EPHA8: variants seen among roughly 807,000 people sequenced by gnomAD.
EPHA8 encodes EPH receptor A8, also known as ephrin type-A receptor 8.
In EPHA8, 58 loss-of-function variants were observed where a neutral mutation model predicts 103.6. The observed-to-expected ratio is 0.56, with a 90% CI of 0.45 to 0.70. EPHA8 has a LOEUF of 0.70. Ranked by LOEUF, EPHA8 falls within the 30% of genes least tolerant of loss-of-function variation. The pLI, the probability that EPHA8 is intolerant of heterozygous loss-of-function variation, is 0.00. For missense variants in EPHA8, 1,304 were observed against 1,395.2 expected (o/e 0.93, Z 1.04); for synonymous variants, 559 against 572.5 (o/e 0.98, Z 0.34).
intron 3 of EPHA8, among the ~76,000 whole-genome samples, chr1:22,578,121 T>C (rs1640810626): frequency 9.8e-6 from 1 of 101,720 alleles, no homozygotes; most frequent in Non-Finnish European, 2.2e-5. Context: ...TGTGCGTGAG[T>C]GTATGCATGT....
intron 3 of EPHA8, among the ~76,000 whole-genome samples, chr1:22,579,945 A>C (rs942838556): frequency 6.6e-6 from 1 of 151,980 alleles, no homozygotes; most frequent in African/African-American, 2.4e-5. Flanking sequence ...AAGGCCCCTG[A>C]GCGCTAATAG....
At chr1:22,578,958 C>T (rs1360437397) in intron 3 of EPHA8, among the ~76,000 whole-genome samples, 1 of 135,148 alleles carries the variant, frequency 7.4e-6, no homozygotes, top group Non-Finnish European at 1.6e-5. Flanking sequence ...CATGTGTGTC[C>T]ATGTGTATGT....
chr1:22,591,066 T>C (rs12060537), intron 5 of EPHA8, among the ~76,000 whole-genome samples: 20,742 of 151,110 alleles, frequency 0.14, 1,548 homozygotes, highest in South Asian at 0.21. Flanking sequence ...CACAAGACAT[T>C]CTCCACACCA....
Position 22,576,916 on chromosome 1 carries a change from C to T in EPHA8, c.823+36C>T, listed in dbSNP as rs779048055. 1 of 1,548,502 alleles carries T rather than the reference C, an allele frequency of 6.5e-7. No individual in the cohort carries two copies. Among genetic ancestry groups the T allele is most frequent in the Admixed American group, 1.8e-5 (1 of 56,118 alleles). ...CATGGCCTGGGCATGGGTCAGCCGG[C>T]AGCGGTGCTTGGTCTTGGCAGGGCT... On this transcript the variant is annotated intron_variant, in intron 3 of 16. Coordinates refer to ENST00000166244, the MANE Select transcript of EPHA8 (RefSeq NM_020526.5). This position sits in a 1 kb window ranked among gnomAD's most constrained non-coding sequence, Gnocchi z 4.8.
At chr1:22,578,855 ATG>A (rs541392749) in intron 3 of EPHA8, among the ~76,000 whole-genome samples, 33 of 142,294 alleles carry the variant, frequency 2.3e-4, no homozygotes, top group East Asian at 2.2e-3. Flanking sequence ...GTGTGCATGC[ATG>A]TGTGTATATG....
chr1:22,582,765 C>T (rs534189833), intron 3 of EPHA8, among the ~76,000 whole-genome samples: 24 of 152,174 alleles, frequency 1.6e-4, no homozygotes, highest in African/African-American at 5.5e-4. Flanking sequence ...CTGGTTCACC[C>T]CAGAAAGAGG....
chr1:22,566,019 G>A (rs1345833546), intron 1 of EPHA8, among the ~76,000 whole-genome samples: 2 of 152,214 alleles, frequency 1.3e-5, no homozygotes, highest in Non-Finnish European at 2.9e-5. Flanking sequence ...TTGGAACTCA[G>A]GGAGGGGCCT....
At chr1:22,588,801 G>T in intron 4 of EPHA8, 70 bp from the exon 5 acceptor site, 1 of 1,512,234 alleles carries the variant, frequency 6.6e-7, no homozygotes, top group Non-Finnish European at 8.8e-7. Flanking sequence ...GGAGCCCCAG[G>T]TCTGATGATA....
chr1:22,575,487 A>G (rs540024135), intron 2 of EPHA8, among the ~76,000 whole-genome samples: 18 of 152,306 alleles, frequency 1.2e-4, no homozygotes, highest in South Asian at 2.1e-4. Flanking sequence ...TATTCTGGAT[A>G]TTAATCCCTT....
chr1:22,579,721 T>C (rs544983049), intron 3 of EPHA8, among the ~76,000 whole-genome samples: 119 of 152,196 alleles, frequency 7.8e-4, no homozygotes, highest in Admixed American at 2.2e-3. Flanking sequence ...TTGGATCCCC[T>C]GGACAGAGGA....
rs760851429 is a variant in EPHA8 at position 22,576,499 on chromosome 1, A to G, written c.442A>G (p.Ile148Val). 2.0e-5 allele frequency: 32 copies of G among 1,613,992 alleles called. No individual in the cohort carries two copies. In the South Asian group the frequency reaches 3.0e-4, roughly 15 times the overall value. ...AAGCCAGTTCCTCAAAATCGACACC[A>G]TTGCGGCCGACGAGAGCTTCACAGG... ...QESQFLKIDT[I>V]AADESFTGAD... Residue 148 changes from isoleucine to valine, a missense_variant, in exon 3 of 17, where the codon ATT (isoleucine) becomes GTT (valine). Coordinates refer to ENST00000166244, the MANE Select transcript of EPHA8 (RefSeq NM_020526.5). This position sits in a 1 kb window ranked among gnomAD's most constrained non-coding sequence, Gnocchi z 4.8.
At chr1:22,570,077 G>A (rs1488026831) in intron 2 of EPHA8, among the ~76,000 whole-genome samples, 2 of 152,160 alleles carry the variant, frequency 1.3e-5, no homozygotes, top group African/African-American at 2.4e-5. Flanking sequence ...CCAGGTCTGC[G>A]CCAGGGTGAG....
rs41266039 is a variant in EPHA8, at chr1:22,602,150, C to T, written c.*409C>T. The T allele has an allele frequency of 0.088, 23,241 of 264,012 alleles. 1,284 individuals carry two copies. The highest frequency in any genetic ancestry group is 0.17 in the Admixed American group (3,147 of 18,220). 16.4% of individuals were successfully genotyped at this position (264,012 alleles called of 1,614,324 possible). On this transcript the variant is annotated 3_prime_UTR_variant, in exon 17 of 17. Transcript: ENST00000166244. ...CCACCCCTTCGGGTCTCAGCATGGA[C>T]GTGTGCATGTTATGAGCGTGTGCTT... is the stretch of plus-strand genomic sequence containing the variant.
In EPHA8 at chr1:22,569,167, G is replaced by T. The variant is rs1640452997; in HGVS notation, c.95-122G>T. On this transcript the variant is annotated intron_variant, in intron 1 of 16. Transcript: ENST00000166244. This position sits in a 1 kb window ranked among gnomAD's most constrained non-coding sequence, Gnocchi z 4.5. ...AAGAGAGAAAGGGCATTCAGGCAGA[G>T]GGACCCGTGTGAGCTGTGTGCTGGG... 4 of 876,366 alleles carry T rather than the reference G, an allele frequency of 4.6e-6. No individual in the cohort carries two copies. Among genetic ancestry groups the T allele is most frequent in the Non-Finnish European group, 7.3e-6 (4 of 547,284 alleles). 54.3% of individuals were successfully genotyped at this position (876,366 alleles called of 1,614,324 possible).
intron 4 of EPHA8, among the ~76,000 whole-genome samples, chr1:22,588,176 C>CCTGGAATTCTGAGAA (rs1261596748): frequency 6.6e-5 from 10 of 152,208 alleles, no homozygotes; most frequent in Admixed American, 2.6e-4. Flanking sequence ...AGATTCTCTG[C>CCTGGAATTCTGAGAA]CTGGAATTCT....
intron 3 of EPHA8, among the ~76,000 whole-genome samples, chr1:22,579,131 ATGTGTG>A (rs139294687): frequency 1.6e-5 from 2 of 122,580 alleles, no homozygotes; most frequent in Non-Finnish European, 1.9e-5. Flanking sequence ...GTATGTGTGC[ATGTGTG>A]TGTGCATATG....
Position 22,576,069 on chromosome 1 carries a change from G to T in EPHA8, c.160-148G>T, listed in dbSNP as rs1171674565. 3 of 828,714 alleles carry T rather than the reference G, an allele frequency of 3.6e-6. No individual in the cohort carries two copies. The highest frequency in any genetic ancestry group is 5.8e-6 in the Non-Finnish European group (3 of 520,026). 51.3% of individuals were successfully genotyped at this position (828,714 alleles called of 1,614,324 possible). A position where few individuals can be genotyped will look rare whatever the true frequency, so the allele number is the denominator to read the frequency against. ...CGTGGCCCTCTTCGAGATCATGTCT[G>T]CAGGGGGCCTGGCATCTAGTAGCCA... is the stretch of plus-strand genomic sequence containing the variant. On this transcript the variant is annotated intron_variant, in intron 2 of 16. Transcript: ENST00000166244. The surrounding 1 kb of genome is among the most constrained non-coding windows in gnomAD (Gnocchi z 4.8).
Position 22,567,049 on chromosome 1 carries a change from C to T in EPHA8, c.95-2240C>T, listed in dbSNP as rs959254551. Among the ~76,000 whole-genome samples, 11 of 152,154 alleles carry T rather than the reference C, an allele frequency of 7.2e-5. No individual in the cohort carries two copies. The highest frequency in any genetic ancestry group is 2.1e-4 in the South Asian group (1 of 4,830). On this transcript the variant is annotated intron_variant, in intron 1 of 16. Transcript: ENST00000166244. The surrounding 1 kb of genome is among the most constrained non-coding windows in gnomAD (Gnocchi z 4.2). ...GTTGATCAAGAATCAGCTGCAGATA[C>T]GGTGGGGCTTCCCCCAGGAGGGCAG...
Position 22,599,017 on chromosome 1 carries a change from G to A in EPHA8, c.2358G>A (p.Glu786=). The A allele has an allele frequency of 6.2e-7, 1 of 1,609,696 alleles. No individual in the cohort carries two copies. Among genetic ancestry groups the A allele is most frequent in the Non-Finnish European group, 8.5e-7 (1 of 1,178,642 alleles). Residue 786 remains glutamate (E), a synonymous_variant, in exon 13 of 17, where the codon GAG becomes GAA. Coordinates refer to ENST00000166244, the MANE Select transcript of EPHA8 (RefSeq NM_020526.5). ...VSDFGLSRVL[E]DDPDAAYTTT... ...ACTTCGGGCTCTCACGGGTGCTGGAGGACGACCCGGATGCTGCCTACACCA... is the reference window on the plus strand; with the variant it reads ...ACTTCGGGCTCTCACGGGTGCTGGAAGACGACCCGGATGCTGCCTACACCA...
Sources: gnomAD v4.1 joint callset for allele counts (sites outside exome capture counted in the v4.1 genomes callset) on GRCh38, gnomAD v4.1.1 for gene constraint, Gnocchi (gnomAD v3.1) non-coding constraint, MANE v1.5 for transcripts, NCBI Gene and HGNC (gene_info 2026-07-23, HGNC 2026-07-21) for gene names.